PPM1H: variants seen among roughly 807,000 people sequenced by gnomAD.
PPM1H encodes protein phosphatase, Mg2+/Mn2+ dependent 1H.
In PPM1H, 27 loss-of-function variants were observed where a neutral mutation model predicts 54.9. The ratio of observed to expected loss-of-function variants is 0.49; its 90% CI spans 0.36 to 0.68. PPM1H has a LOEUF of 0.68. Ranked by LOEUF, PPM1H falls within the 30% of genes least tolerant of loss-of-function variation. The probability of loss-of-function intolerance (pLI) is 0.00; values close to 1 mark genes in which losing one functional copy is unlikely to be tolerated. For missense variants in PPM1H, 596 were observed against 667.8 expected, an observed-to-expected ratio of 0.89 and a Z score of 1.19; for synonymous variants, 305 against 270.8, an observed-to-expected ratio of 1.13 and a Z score of -1.24.
At chr12:62,777,889 C>T (rs941780646) in intron 4 of PPM1H, among the ~76,000 whole-genome samples, 2 of 152,178 alleles carry the variant, frequency 1.3e-5, no homozygotes, top group East Asian at 1.9e-4. Context: ...TTTCCAAAGA[C>T]AAATATTTGG....
In PPM1H at chr12:62,737,511, A is replaced by G. The variant is rs1383811142; in HGVS notation, c.945T>C (p.Leu315=). The G allele has an allele frequency of 6.4e-7, 1 of 1,572,418 alleles. No homozygotes were observed. The highest frequency in any genetic ancestry group is 8.7e-7 in the Non-Finnish European group (1 of 1,155,276). Residue 315 remains leucine (L), a synonymous_variant, in exon 5 of 10, where the codon CTT becomes CTC. Coordinates refer to ENST00000228705, the MANE Select transcript of PPM1H (RefSeq NM_020700.2). ...CCTAGATGACTCTTACCAGGTACTG[A>G]AGTCGCTGGCGCTCCGTCTCGGGGG... ...EFTPETERQR[L]QYLAFMQPHL...
chr12:62,843,980 C>T (rs1419426800), intron 1 of PPM1H, among the ~76,000 whole-genome samples: 2 of 152,124 alleles, frequency 1.3e-5, no homozygotes, highest in East Asian at 3.9e-4. Flanking sequence ...CTAATTTAGC[C>T]CTTGAGGTCT....
Position 62,934,457 on chromosome 12 carries a change from G to A in PPM1H, c.245+35C>T. ...GAACCGTGCGGGGAAGGGCCGCGAG[G>A]AGAGCAGGGGCGCCGCCGGTGTCGC... On this transcript the variant is annotated intron_variant, in intron 1 of 9. Transcript: ENST00000228705. The surrounding 1 kb of genome is among the most constrained non-coding windows in gnomAD (Gnocchi z 4.2). 6.6e-7 allele frequency: 1 copy of A among 1,510,790 alleles called. No homozygotes were observed. The highest frequency in any genetic ancestry group is 8.8e-7 in the Non-Finnish European group (1 of 1,130,946). The allele number at this position is 1,510,790 out of a possible 1,614,324, so 93.6% of individuals were successfully genotyped here.
chr12:62,659,290 A>AAAAAAAAG (rs878920391), intron 9 of PPM1H: 6 of 482,034 alleles, frequency 1.2e-5, no homozygotes, highest in South Asian at 1.2e-4. Context: ...AAAAAAAAAA[A>AAAAAAAAG]AGAGAAAAAC....
rs562859003 is a variant in PPM1H, at chr12:62,840,415, G to A, written c.246-8136C>T. ...TTTCAACATATGCATTGGGAGGGGA[G>A]GGATGCACACATTTAGTCCATTGGC... On this transcript the variant is annotated intron_variant, in intron 1 of 9. Transcript: ENST00000228705. 7.9e-5 allele frequency among the ~76,000 whole-genome samples: 12 copies of A among 152,270 alleles called. No individual in the cohort carries two copies. In the South Asian group the frequency reaches 2.5e-3, roughly 32 times the overall value.
intron 1 of PPM1H, among the ~76,000 whole-genome samples, chr12:62,862,672 G>A (rs893926518): frequency 6.6e-6 from 1 of 152,178 alleles, no homozygotes; most frequent in Non-Finnish European, 1.5e-5. Flanking sequence ...AACAAACCTA[G>A]AAGTAGCAAA....
chr12:62,766,566 C>CA (rs145714301), intron 4 of PPM1H, among the ~76,000 whole-genome samples: 24,599 of 149,076 alleles, frequency 0.17, 2,216 homozygotes, highest in African/African-American at 0.24. Flanking sequence ...GCCACAGAAA[C>CA]AAAAAAAAAA....
rs575159177 is a variant in PPM1H at position 62,667,474 on chromosome 12, A to G, written c.1246-145T>C. 11 of 722,968 alleles carry G rather than the reference A, an allele frequency of 1.5e-5. No individual in the cohort carries two copies. In the East Asian group the frequency reaches 3.0e-4, roughly 20 times the overall value. 44.8% of individuals were successfully genotyped at this position (722,968 alleles called of 1,614,324 possible). A position where few individuals can be genotyped will look rare whatever the true frequency, so the allele number is the denominator to read the frequency against. ...TTGTAGGGTACTTGATTATACAGCG[A>G]GCTGTGTGGCCAGGGATAGTCTCCC... On this transcript the variant is annotated intron_variant, in intron 8 of 9. Coordinates refer to ENST00000228705, the MANE Select transcript of PPM1H (RefSeq NM_020700.2).
intron 9 of PPM1H, chr12:62,659,118 C>G: frequency 2.7e-6 from 2 of 734,790 alleles, no homozygotes; most frequent in East Asian, 5.1e-5. Context: ...TGAGATCATT[C>G]ACAATGTTTC....
intron 2 of PPM1H, among the ~76,000 whole-genome samples, chr12:62,812,659 A>T (rs754574261): frequency 2.6e-5 from 4 of 151,942 alleles, no homozygotes; most frequent in Non-Finnish European, 5.9e-5. Context: ...AGAGCTTGAA[A>T]ATTCAGTTTC....
At chr12:62,666,574 T>C (rs539831237) in intron 9 of PPM1H, among the ~76,000 whole-genome samples, 8 of 152,348 alleles carry the variant, frequency 5.3e-5, no homozygotes, top group African/African-American at 1.9e-4. Context: ...AATGGGATTA[T>C]TTCTACTTTA....
chr12:62,692,314 T>C (rs2076087705), intron 7 of PPM1H, among the ~76,000 whole-genome samples: 1 of 152,186 alleles, frequency 6.6e-6, no homozygotes, highest in Non-Finnish European at 1.5e-5. Flanking sequence ...ACCATCAAGC[T>C]TAAATTACCT....
intron 8 of PPM1H, among the ~76,000 whole-genome samples, chr12:62,670,019 C>A (rs2075947406): frequency 1.1e-5 from 1 of 89,246 alleles, no homozygotes; most frequent in South Asian, 4.4e-4. Context: ...CTCTTGTTGC[C>A]CAGGCTGGAG....
At chr12:62,895,055 A>G (rs1870934553) in intron 1 of PPM1H, among the ~76,000 whole-genome samples, 1 of 152,244 alleles carries the variant, frequency 6.6e-6, no homozygotes, top group South Asian at 2.1e-4. Flanking sequence ...AGGTCAGCAC[A>G]GGATCTGAAG....
At chr12:62,893,681 T>C (rs1466841577) in intron 1 of PPM1H, among the ~76,000 whole-genome samples, 1 of 151,870 alleles carries the variant, frequency 6.6e-6, no homozygotes, top group African/African-American at 2.4e-5. Flanking sequence ...AAAGACAAGG[T>C]TTACCATGTT....
At chr12:62,817,137 G>GAAAAAAAA (rs748440124) in intron 2 of PPM1H, among the ~76,000 whole-genome samples, 1 of 67,364 alleles carries the variant, frequency 1.5e-5, no homozygotes, top group African/African-American at 6.2e-5. Context: ...AAAAAAAAAA[G>GAAAAAAAA]AAAAAAAAAA....
chr12:62,832,388 C>A, intron 1 of PPM1H, 109 bp from the exon 2 acceptor site: 1 of 1,026,072 alleles, frequency 9.7e-7, no homozygotes, highest in Non-Finnish European at 1.4e-6. Flanking sequence ...AGAACTACAG[C>A]CCTGCTTAAT....
chr12:62,746,185 A>G (rs1037091132), intron 4 of PPM1H, among the ~76,000 whole-genome samples: 15 of 152,064 alleles, frequency 9.9e-5, no homozygotes, highest in Non-Finnish European at 2.1e-4. Context: ...ACAGAGCAAG[A>G]TCCTGTCTCA....
At chr12:62,648,674 C>A (rs1320862210) in intron 9 of PPM1H, 38 bp from the exon 10 acceptor site, 3 of 1,604,256 alleles carry the variant, frequency 1.9e-6, no homozygotes, top group Non-Finnish European at 2.6e-6. Context: ...GTCAGTAGAG[C>A]ATCAGACAGA....
Sources: gnomAD v4.1 joint callset for allele counts (sites outside exome capture counted in the v4.1 genomes callset) on GRCh38, gnomAD v4.1.1 for gene constraint, Gnocchi (gnomAD v3.1) non-coding constraint, MANE v1.5 for transcripts, NCBI Gene and HGNC (gene_info 2026-07-23, HGNC 2026-07-21) for gene names.